ADGRB3: variants seen among roughly 807,000 people sequenced by gnomAD.
The protein encoded by ADGRB3 is adhesion G protein-coupled receptor B3, also known as brain-specific angiogenesis inhibitor 3.
Under a neutral mutation model 193.4 loss-of-function variants are expected in ADGRB3, and 37 were observed. The ratio of observed to expected loss-of-function variants is 0.19; its 90% confidence interval spans 0.15 to 0.25. ADGRB3 has a LOEUF of 0.25. ADGRB3 is among the 10% of genes least tolerant of loss of function. ADGRB3 has a pLI of 1.00. For synonymous variants in ADGRB3, 690 were observed against 644.2 expected (o/e 1.07, Z -1.08); for missense variants, 1,637 against 1,852.9 (o/e 0.88, Z 2.14).
At chr6:68,803,677 A>C (rs1381713775) in intron 3 of ADGRB3, among the ~76,000 whole-genome samples, 1 of 152,126 alleles carries the variant, frequency 6.6e-6, no homozygotes, top group African/African-American at 2.4e-5. Flanking sequence ...ACATTTTCCA[A>C]TATTCCTGCC....
At chr6:68,988,374 G>A (rs1390117937) in intron 10 of ADGRB3, among the ~76,000 whole-genome samples, 1 of 152,122 alleles carries the variant, frequency 6.6e-6, no homozygotes, top group Admixed American at 6.6e-5. Context: ...AGCATTTAAA[G>A]TGACAGAATA....
chr6:68,999,001 G>C (rs191838620), intron 11 of ADGRB3, among the ~76,000 whole-genome samples: 4 of 152,274 alleles, frequency 2.6e-5, no homozygotes, highest in Non-Finnish European at 1.5e-5. Context: ...AAAAGCTGCT[G>C]TGTGTATACC....
At chr6:69,034,478 A>G (rs1217489584) in intron 13 of ADGRB3, among the ~76,000 whole-genome samples, 1 of 150,194 alleles carries the variant, frequency 6.7e-6, no homozygotes, top group Non-Finnish European at 1.5e-5. Flanking sequence ...GTGAAACAAA[A>G]TTATAATTGG....
intron 3 of ADGRB3, among the ~76,000 whole-genome samples, chr6:68,688,777 C>T (rs1260476171): frequency 6.6e-6 from 1 of 152,114 alleles, no homozygotes; most frequent in Admixed American, 6.5e-5. Context: ...GGAAATGAAC[C>T]TCTTGTTTCT....
intron 17 of ADGRB3, among the ~76,000 whole-genome samples, chr6:69,205,250 G>A (rs79458546): frequency 3.4e-4 from 51 of 151,996 alleles, no homozygotes; most frequent in Non-Finnish European, 6.2e-4. Context: ...TCATTGCTGC[G>A]GCATTTTTCT....
intron 13 of ADGRB3, among the ~76,000 whole-genome samples, chr6:69,040,056 A>T (rs1770984238): frequency 6.6e-6 from 1 of 151,992 alleles, no homozygotes; most frequent in African/African-American, 2.4e-5. Flanking sequence ...AATCGTTTTG[A>T]GATAATTATA....
At chr6:68,855,467 C>A (rs1764956561) in intron 3 of ADGRB3, among the ~76,000 whole-genome samples, 1 of 151,706 alleles carries the variant, frequency 6.6e-6, no homozygotes, top group South Asian at 2.1e-4. Context: ...TAATTTCTAA[C>A]AATGAATTTC....
At chr6:68,974,045 G>A (rs897264085) in intron 8 of ADGRB3, among the ~76,000 whole-genome samples, 1 of 151,898 alleles carries the variant, frequency 6.6e-6, no homozygotes, top group African/African-American at 2.4e-5. Context: ...TAGTTGAAGA[G>A]GTAAAAAGTT....
At chr6:68,919,319 GTGTT>G (rs1360733991) in intron 3 of ADGRB3, among the ~76,000 whole-genome samples, 2 of 151,360 alleles carry the variant, frequency 1.3e-5, no homozygotes, top group Non-Finnish European at 2.9e-5. Flanking sequence ...TGGGCACTGT[GTGTT>G]TGTTAAAAAG....
chr6:69,276,937 C>A (rs1461776997), intron 20 of ADGRB3, among the ~76,000 whole-genome samples: 1 of 151,884 alleles, frequency 6.6e-6, no homozygotes, highest in Non-Finnish European at 1.5e-5. Flanking sequence ...GTCAACCATA[C>A]CTCCATAAAA....
chr6:68,785,109 G>A (rs1291377640), intron 3 of ADGRB3, among the ~76,000 whole-genome samples: 1 of 151,896 alleles, frequency 6.6e-6, no homozygotes, highest in Non-Finnish European at 1.5e-5. Context: ...TAGAATTAAT[G>A]AGCTTATATC....
intron 3 of ADGRB3, among the ~76,000 whole-genome samples, chr6:68,693,815 C>T (rs1033056833): frequency 4.0e-5 from 6 of 151,760 alleles, no homozygotes; most frequent in Non-Finnish European, 8.8e-5. Context: ...TGTTTTTAAG[C>T]GATGGTCTTC....
chr6:68,869,185 C>A (rs1347280803), intron 3 of ADGRB3, among the ~76,000 whole-genome samples: 1 of 152,088 alleles, frequency 6.6e-6, no homozygotes, highest in African/African-American at 2.4e-5. Flanking sequence ...GCAATTATTC[C>A]ATGCATCTAT....
At chr6:69,278,978 A>T (rs1049619286) in intron 20 of ADGRB3, among the ~76,000 whole-genome samples, 3 of 150,044 alleles carry the variant, frequency 2.0e-5, no homozygotes, top group Non-Finnish European at 4.4e-5. Context: ...CTTTAAAAAA[A>T]GTTTTGATCT....
At chr6:69,122,456 A>T (rs1176445566) in intron 17 of ADGRB3, among the ~76,000 whole-genome samples, 1 of 87,152 alleles carries the variant, frequency 1.1e-5, no homozygotes, top group Non-Finnish European at 2.1e-5. Flanking sequence ...AAAGAAAGAT[A>T]AGGGAGAGGG....
At chr6:69,191,098 C>T (rs983274377) in intron 17 of ADGRB3, among the ~76,000 whole-genome samples, 1 of 152,184 alleles carries the variant, frequency 6.6e-6, no homozygotes, top group Admixed American at 6.5e-5. Flanking sequence ...TATACTAAAT[C>T]CTATCTGATC....
chr6:69,312,414 G>C (rs1768213983), intron 20 of ADGRB3, among the ~76,000 whole-genome samples: 3 of 151,682 alleles, frequency 2.0e-5, no homozygotes, highest in Non-Finnish European at 3.0e-5. Flanking sequence ...CTCAGAGATA[G>C]GCAAATAGGG....
chr6:69,054,573 C>T (rs536552166), intron 15 of ADGRB3, among the ~76,000 whole-genome samples: 1 of 152,226 alleles, frequency 6.6e-6, no homozygotes, highest in South Asian at 2.1e-4. Context: ...CTCATGAAAA[C>T]ATTAGAAATT....
chr6:69,324,271 A>G (rs916620504), intron 20 of ADGRB3, among the ~76,000 whole-genome samples: 1 of 152,172 alleles, frequency 6.6e-6, no homozygotes, highest in African/African-American at 2.4e-5. Flanking sequence ...AAGTAATAGT[A>G]TAGAAGCATT....
Sources: gnomAD v4.1 joint callset for allele counts (sites outside exome capture counted in the v4.1 genomes callset) on GRCh38, gnomAD v4.1.1 for gene constraint, MANE v1.5 for transcripts, NCBI Gene and HGNC (gene_info 2026-07-23, HGNC 2026-07-21) for gene names.